GRAP2: variants seen among roughly 807,000 people sequenced by gnomAD.
GRAP2 encodes the protein GRB2 related adaptor protein 2, also known as GRB2-related adapter protein 2.
GRAP2 carries 31 observed loss-of-function variants against 43.5 expected under a neutral mutation model. That is an observed-to-expected ratio of 0.71 (90% CI 0.54 to 0.96). The LOEUF is 0.96. GRAP2 is among the 40% of genes least tolerant of loss of function. The probability of loss-of-function intolerance (pLI) is 0.00; values close to 1 mark genes in which losing one functional copy is unlikely to be tolerated. For synonymous variants in GRAP2, 156 were observed against 164.8 expected (o/e 0.95, Z 0.41); for missense variants, 371 against 424.4 (o/e 0.87, Z 1.11).
chr22:39,903,475 C>CTTTT lies in GRAP2; in HGVS notation c.-15+2162_-15+2165dup, dbSNP rs773691306. Among the ~76,000 whole-genome samples the CTTTT allele has an allele frequency of 1.3e-4, 15 of 112,056 alleles. 1 individual carries two copies. Among genetic ancestry groups the CTTTT allele is most frequent in the South Asian group, 2.9e-4 (1 of 3,412 alleles). 73.5% of individuals were successfully genotyped at this position (112,056 alleles called of 152,430 possible). Reference sequence around the variant, plus strand: ...ATGATAATAACACAGCCTCATGAGTCTTTTTTTTTTTTTTTTTTTTGAGAC... The same window carrying CTTTT: ...ATGATAATAACACAGCCTCATGAGTCTTTTTTTTTTTTTTTTTTTTTTTTGAGAC... On this transcript the variant is annotated intron_variant, in intron 1 of 7. Transcript: ENST00000344138.
intron 1 of GRAP2, among the ~76,000 whole-genome samples, chr22:39,923,544 T>A (rs761330088): frequency 3.3e-5 from 5 of 152,202 alleles, no homozygotes; most frequent in Admixed American, 1.3e-4. Flanking sequence ...GAAGGTAAGC[T>A]TTCTGAAGCC....
At chr22:39,967,414 A>G (rs1276210167) in intron 5 of GRAP2, among the ~76,000 whole-genome samples, 1 of 152,246 alleles carries the variant, frequency 6.6e-6, no homozygotes, top group African/African-American at 2.4e-5. Flanking sequence ...TAAAGCGCTT[A>G]GAACAGTGCC....
At chr22:39,930,501 A>G (rs2066746003) in intron 1 of GRAP2, among the ~76,000 whole-genome samples, 1 of 152,214 alleles carries the variant, frequency 6.6e-6, no homozygotes, top group Non-Finnish European at 1.5e-5. Context: ...TGGAGATAAA[A>G]ACATGTGGAA....
intron 1 of GRAP2, among the ~76,000 whole-genome samples, chr22:39,906,600 TC>T (rs2066525163): frequency 6.6e-6 from 1 of 152,218 alleles, no homozygotes; most frequent in Admixed American, 6.5e-5. Flanking sequence ...TCCAACACAG[TC>T]ATTGCCAAAT....
At chr22:39,947,004 T>C (rs2066929188) in intron 1 of GRAP2, 89 bp from the exon 2 acceptor site, 4 of 800,030 alleles carry the variant, frequency 5.0e-6, no homozygotes, top group Non-Finnish European at 4.5e-6. Context: ...CCCACTCTCC[T>C]AGGAACTGCT....
intron 1 of GRAP2, among the ~76,000 whole-genome samples, chr22:39,939,770 GTGGTGGGC>G (rs2066847280): frequency 6.6e-6 from 1 of 151,982 alleles, no homozygotes; most frequent in African/African-American, 2.4e-5. Context: ...TTAGCGGACC[GTGGTGGGC>G]TGTACCTGTA....
chr22:39,943,512 G>A (rs559266374), intron 1 of GRAP2, among the ~76,000 whole-genome samples: 5 of 152,142 alleles, frequency 3.3e-5, no homozygotes, highest in Admixed American at 2.0e-4. Flanking sequence ...TAGCACTGAG[G>A]CCCTACAAAT....
rs1254534474 is a variant in GRAP2 at position 39,944,904 on chromosome 22, A to C, written c.-14-2189A>C. Among the ~76,000 whole-genome samples, 3 of 152,176 alleles carry C rather than the reference A, an allele frequency of 2.0e-5. No individual in the cohort carries two copies. The East Asian group carries it at 5.8e-4, about 29-fold the overall frequency. Reference sequence around the variant, plus strand: ...GCTTATTAAGGTGAATTTGCATACAAATGGGACCTTGGTCTTCAGGACCAT... The same window carrying C: ...GCTTATTAAGGTGAATTTGCATACACATGGGACCTTGGTCTTCAGGACCAT... On this transcript the variant is annotated intron_variant, in intron 1 of 7. Coordinates refer to ENST00000344138, the MANE Select transcript of GRAP2 (RefSeq NM_004810.4).
intron 4 of GRAP2, among the ~76,000 whole-genome samples, chr22:39,961,382 C>T (rs2067118228): frequency 6.6e-6 from 1 of 152,110 alleles, no homozygotes; most frequent in Admixed American, 6.5e-5. Flanking sequence ...TCCTTTGGTT[C>T]GAAGCACTCA....
At chr22:39,949,875 C>T (rs1179104841) in intron 2 of GRAP2, among the ~76,000 whole-genome samples, 2 of 152,142 alleles carry the variant, frequency 1.3e-5, no homozygotes, top group African/African-American at 2.4e-5. Context: ...TGTCTTTTTC[C>T]TCCTTCACTC....
In GRAP2 at chr22:39,964,262, G is replaced by T. The variant is rs555377510; in HGVS notation, c.291-1728G>T. 17 of 619,414 alleles carry T rather than the reference G, an allele frequency of 2.7e-5. No homozygotes were observed. In the African/African-American group the frequency reaches 2.9e-4, roughly 11 times the overall value. The allele number at this position is 619,414 out of a possible 1,614,324, so 38.4% of individuals were successfully genotyped here. ...AGATGGATAAAATCCATTTTCTCTAGCCCTGGTTCGAATGTGTCCCATCAC... is the reference window on the plus strand; with the variant it reads ...AGATGGATAAAATCCATTTTCTCTATCCCTGGTTCGAATGTGTCCCATCAC... On this transcript the variant is annotated intron_variant, in intron 4 of 7. Coordinates refer to ENST00000344138, the MANE Select transcript of GRAP2 (RefSeq NM_004810.4).
the GRAP2 span, among the ~76,000 whole-genome samples, chr22:39,894,601 ATAG>A: frequency 6.6e-6 from 1 of 152,338 alleles, no homozygotes; most frequent in African/African-American, 2.4e-5. Context: ...TGAGAATGTA[ATAG>A]TAGTCTATGA....
chr22:39,901,766 T>G (rs1422183886), intron 1 of GRAP2, among the ~76,000 whole-genome samples: 1 of 152,240 alleles, frequency 6.6e-6, no homozygotes, highest in Non-Finnish European at 1.5e-5. Flanking sequence ...CTTGAATTTC[T>G]AGTTCTGTTC....
rs1455731735 is a variant in GRAP2 at position 39,910,974 on chromosome 22, T to C, written c.-15+9644T>C. Among the ~76,000 whole-genome samples, 5 of 152,186 alleles carry C rather than the reference T, an allele frequency of 3.3e-5. No individual in the cohort carries two copies. In the East Asian group the frequency reaches 9.6e-4, roughly 29 times the overall value. Reference sequence around the variant, plus strand: ...CCTATCCATAAATTCTCTGCAACCGTGGATGAATCTGCATCCTTAGACAAA... The same window carrying C: ...CCTATCCATAAATTCTCTGCAACCGCGGATGAATCTGCATCCTTAGACAAA... On this transcript the variant is annotated intron_variant, in intron 1 of 7. Transcript: ENST00000344138.
At chr22:39,926,638 A>G in intron 1 of GRAP2, 1 of 985,334 alleles carries the variant, frequency 1.0e-6, no homozygotes, top group Non-Finnish European at 1.2e-6. Context: ...GTTAAGTCTG[A>G]GTTCCTCAAT....
intron 1 of GRAP2, among the ~76,000 whole-genome samples, chr22:39,930,152 G>T (rs1372274949): frequency 6.6e-6 from 1 of 152,112 alleles, no homozygotes; most frequent in Non-Finnish European, 1.5e-5. Context: ...TTTTTAAAGT[G>T]CCACCAAAAT....
In GRAP2 at chr22:39,957,915, A is replaced by G. The variant is rs948824985; in HGVS notation, c.170+2005A>G. 2.6e-5 allele frequency among the ~76,000 whole-genome samples: 4 copies of G among 152,260 alleles called. No homozygotes were observed. In the East Asian group the frequency reaches 7.7e-4, roughly 29 times the overall value. On this transcript the variant is annotated intron_variant, in intron 3 of 7. Coordinates refer to ENST00000344138, the MANE Select transcript of GRAP2 (RefSeq NM_004810.4). ...TATATCACTGCACTCCAGCCTGGGC[A>G]GCAGAGAGAGACTCTGTTTCAAAGA...
intron 4 of GRAP2, chr22:39,964,395 C>A: frequency 1.3e-6 from 1 of 778,268 alleles, no homozygotes; most frequent in South Asian, 1.4e-5. Flanking sequence ...ACGAAGGTGG[C>A]AAGAAGAAGG....
intron 4 of GRAP2, among the ~76,000 whole-genome samples, chr22:39,961,114 A>AT (rs1018470454): frequency 2.6e-5 from 4 of 151,888 alleles, no homozygotes; most frequent in Admixed American, 2.0e-4. Flanking sequence ...CCTGGCTAAT[A>AT]TTTTTTTAAC....
Sources: allele counts gnomAD v4.1 joint callset (sites outside exome capture counted in the v4.1 genomes callset), GRCh38; gene constraint gnomAD v4.1.1; transcripts MANE v1.5; gene names NCBI Gene and HGNC (gene_info 2026-07-23, HGNC 2026-07-21).